PARD3B: variants seen among roughly 807,000 people sequenced by gnomAD.
PARD3B encodes par-3 family cell polarity regulator beta, also known as partitioning defective 3 homolog B.
A neutral mutation model predicts 130.2 loss-of-function variants in PARD3B; 103 were observed. That is an observed-to-expected ratio of 0.79 (90% CI 0.67 to 0.93). PARD3B has a LOEUF of 0.93. Among genes scored for constraint, PARD3B ranks in the 40% least tolerant of loss-of-function variants. The pLI is 0.00. For missense variants in PARD3B, 1,609 were observed against 1,499.2 expected (o/e 1.07, Z -1.21); for synonymous variants, 583 against 553.2 (o/e 1.05, Z -0.76).
At position 205,585,582 on chromosome 2, in the gene PARD3B, G is replaced by T. The variant is rs1013087997; in HGVS notation, c.3261-29874G>T. 2.6e-5 allele frequency among the ~76,000 whole-genome samples: 4 copies of T among 152,116 alleles called. No homozygotes were observed. Among genetic ancestry groups the T allele is most frequent in the African/African-American group, 7.2e-5 (3 of 41,424 alleles). On this transcript the variant is annotated intron_variant, in intron 22 of 22. Transcript: ENST00000406610. The surrounding 1 kb of genome is among the most constrained non-coding windows in gnomAD (Gnocchi z 5.4). Reference sequence around the variant, plus strand: ...CTGTTGGTGCAGGTCACTTCTCCAGGCAGGGAGTAATTGATATCCCCAGCT... The same window carrying T: ...CTGTTGGTGCAGGTCACTTCTCCAGTCAGGGAGTAATTGATATCCCCAGCT...
At position 205,405,945 on chromosome 2, in the gene PARD3B, T is replaced by C. The variant is rs2046404114; in HGVS notation, c.2741+4822T>C. 1.3e-5 allele frequency among the ~76,000 whole-genome samples: 2 copies of C among 152,180 alleles called. No homozygotes were observed. Among genetic ancestry groups the C allele is most frequent in the South Asian group, 2.1e-4 (1 of 4,828 alleles). ...TATGCCTGCCAAAAGCTTAATCTGG[T>C]CCTAAGCTACATTACTGGAAGTTCA... is the stretch of plus-strand genomic sequence containing the variant. On this transcript the variant is annotated intron_variant, in intron 19 of 22. Transcript: ENST00000406610. The surrounding 1 kb of genome is among the most constrained non-coding windows in gnomAD (Gnocchi z 4.1).
chr2:204,871,818 A>G (rs1337126452), intron 2 of PARD3B, among the ~76,000 whole-genome samples: 2 of 152,164 alleles, frequency 1.3e-5, no homozygotes, highest in Non-Finnish European at 2.9e-5. Context: ...TTGTAAATGT[A>G]TACAAGGCCA....
intron 3 of PARD3B, among the ~76,000 whole-genome samples, chr2:205,005,713 A>T (rs952841325): frequency 9.2e-5 from 14 of 152,334 alleles, no homozygotes; most frequent in African/African-American, 3.1e-4. Flanking sequence ...AATGTTAGCT[A>T]ATAAAAGGTA....
intron 18 of PARD3B, among the ~76,000 whole-genome samples, chr2:205,319,587 C>A (rs1044312920): frequency 7.9e-5 from 12 of 152,164 alleles, no homozygotes; most frequent in African/African-American, 2.9e-4. Flanking sequence ...AGCCTCTGTG[C>A]TTTTGTGTGA....
rs2036620213 is a variant in PARD3B, at chr2:204,677,688, T to A, written c.121-8493T>A. The stretch of plus-strand genomic sequence containing the variant: ...CTTGTATTATCATAGCCTAAGATGG[T>A]AATAATAATATTTTTAGCAGACTCA... On this transcript the variant is annotated intron_variant, in intron 1 of 22. Coordinates refer to ENST00000406610, the MANE Select transcript of PARD3B (RefSeq NM_001302769.2). This position sits in a 1 kb window ranked among gnomAD's most constrained non-coding sequence, Gnocchi z 4.1. 6.6e-6 allele frequency among the ~76,000 whole-genome samples: 1 copy of A among 152,186 alleles called. No individual in the cohort carries two copies. Among genetic ancestry groups the A allele is most frequent in the African/African-American group, 2.4e-5 (1 of 41,442 alleles).
At chr2:205,594,780 T>C (rs1575445052) in intron 22 of PARD3B, among the ~76,000 whole-genome samples, 3 of 152,296 alleles carry the variant, frequency 2.0e-5, no homozygotes, top group East Asian at 1.9e-4. Flanking sequence ...CAACCTCTGT[T>C]AGAGGATTTC....
chr2:204,641,014 G>A (rs1241575496), intron 1 of PARD3B, among the ~76,000 whole-genome samples: 2 of 147,248 alleles, frequency 1.4e-5, no homozygotes, highest in African/African-American at 4.9e-5. Context: ...ATATATGAAA[G>A]TATGTATATA....
At chr2:205,606,565 C>T (rs2055007081) in intron 22 of PARD3B, among the ~76,000 whole-genome samples, 1 of 152,128 alleles carries the variant, frequency 6.6e-6, no homozygotes, top group Non-Finnish European at 1.5e-5. Context: ...TGGCCCCTCC[C>T]CACCAAAATC....
chr2:205,434,455 A>T (rs1375243672), intron 19 of PARD3B, among the ~76,000 whole-genome samples: 1 of 152,190 alleles, frequency 6.6e-6, no homozygotes, highest in Non-Finnish European at 1.5e-5. Context: ...TAATCTAGTT[A>T]TGGAAGCAGA....
chr2:205,395,005 C>T (rs903509445), intron 18 of PARD3B, among the ~76,000 whole-genome samples: 3 of 152,156 alleles, frequency 2.0e-5, no homozygotes, highest in Non-Finnish European at 4.4e-5. Flanking sequence ...TTTTATGTTA[C>T]GTATATTTTA....
chr2:204,945,715 C>A (rs1299880763), intron 2 of PARD3B, among the ~76,000 whole-genome samples: 6 of 152,130 alleles, frequency 3.9e-5, no homozygotes, highest in Non-Finnish European at 8.8e-5. Context: ...CTAACAAACA[C>A]AAGCACAAAT....
intron 3 of PARD3B, among the ~76,000 whole-genome samples, chr2:204,985,044 A>T (rs965535712): frequency 6.6e-6 from 1 of 152,084 alleles, no homozygotes; most frequent in Non-Finnish European, 1.5e-5. Flanking sequence ...GATTATAGGC[A>T]TTGCTACAAA....
At chr2:204,579,770 G>C (rs1368525677) in intron 1 of PARD3B, among the ~76,000 whole-genome samples, 1 of 152,216 alleles carries the variant, frequency 6.6e-6, no homozygotes, top group East Asian at 1.9e-4. Context: ...GGACCCCTGT[G>C]TGGGGGATGG....
intron 18 of PARD3B, among the ~76,000 whole-genome samples, chr2:205,303,668 T>A (rs961370027): frequency 1.3e-5 from 2 of 152,160 alleles, no homozygotes; most frequent in African/African-American, 4.8e-5. Context: ...ACACCAGCTC[T>A]GGGCCTCCTC....
intron 2 of PARD3B, among the ~76,000 whole-genome samples, chr2:204,774,244 C>T (rs2041515348): frequency 6.6e-6 from 1 of 151,988 alleles, no homozygotes; most frequent in Admixed American, 6.6e-5. Context: ...TACTTCCTAA[C>T]ATTATGTATT....
At chr2:205,391,175 A>G (rs1206450408) in intron 18 of PARD3B, among the ~76,000 whole-genome samples, 2 of 152,238 alleles carry the variant, frequency 1.3e-5, no homozygotes, top group Non-Finnish European at 2.9e-5. Flanking sequence ...TGGTCTCAAA[A>G]CACTCTTTCC....
intron 18 of PARD3B, among the ~76,000 whole-genome samples, chr2:205,340,580 C>A (rs1381697659): frequency 6.6e-6 from 1 of 152,072 alleles, no homozygotes; most frequent in African/African-American, 2.4e-5. Context: ...AATCTCTCAC[C>A]ATATACAAAA....
intron 2 of PARD3B, among the ~76,000 whole-genome samples, chr2:204,839,854 G>T (rs2044197841): frequency 6.6e-6 from 1 of 152,158 alleles, no homozygotes; most frequent in African/African-American, 2.4e-5. Flanking sequence ...AACTTGAATA[G>T]ACAGCTCTCA....
rs1241532627 is a variant in PARD3B, at chr2:205,274,629, A to C, written c.2186-25901A>C. Among the ~76,000 whole-genome samples the C allele has an allele frequency of 3.3e-5, 5 of 152,074 alleles. No homozygotes were observed. The highest frequency in any genetic ancestry group is 1.2e-4 in the African/African-American group (5 of 41,494). On this transcript the variant is annotated intron_variant, in intron 16 of 22. Coordinates refer to ENST00000406610, the MANE Select transcript of PARD3B (RefSeq NM_001302769.2). The surrounding 1 kb of genome is among the most constrained non-coding windows in gnomAD (Gnocchi z 4.2). ...TATAAATCATTTCTACTTACTTTCT[A>C]TCTGAATATTATCTATCTGAATATT...
Sources: allele counts gnomAD v4.1 joint callset (sites outside exome capture counted in the v4.1 genomes callset), GRCh38; gene constraint gnomAD v4.1.1; non-coding constraint Gnocchi (gnomAD v3.1); transcripts MANE v1.5; gene names NCBI Gene and HGNC (gene_info 2026-07-23, HGNC 2026-07-21).